The following MSI2 variants were observed in gnomAD, a reference collection of about 807,000 sequenced individuals.
The protein encoded by MSI2 is RNA-binding protein Musashi homolog 2.
In MSI2, 17 loss-of-function variants were observed where a neutral mutation model predicts 45.6. That is an observed-to-expected ratio of 0.37 (90% CI 0.26 to 0.56). The LOEUF (loss-of-function observed/expected upper bound fraction) is 0.56, where lower values mean the gene tolerates loss of function less well. MSI2 is among the 20% of genes least tolerant of loss of function. The probability of loss-of-function intolerance (pLI) is 0.77; values close to 1 mark genes in which losing one functional copy is unlikely to be tolerated. For synonymous variants in MSI2, 156 were observed against 158.2 expected, an observed-to-expected ratio of 0.99 and a Z score of 0.11; for missense variants, 293 against 444.2, an observed-to-expected ratio of 0.66 and a Z score of 3.06.
At chr17:57,278,640 T>A (rs1396766838) in intron 5 of MSI2, 2 of 151,582 alleles carry the variant, frequency 1.3e-5, no homozygotes, top group East Asian at 2.0e-4. Context: ...ATCCCCCCAC[T>A]GCCCCCCCAA....
chr17:57,417,406 G>T (rs1324254798), intron 6 of MSI2, among the ~76,000 whole-genome samples: 1 of 152,148 alleles, frequency 6.6e-6, no homozygotes, highest in Admixed American at 6.5e-5. Flanking sequence ...TTTGTCATCA[G>T]CTGCAGAGCA....
chr17:57,674,959 G>A lies in MSI2; in HGVS notation c.791-13G>A, dbSNP rs750566287. 40 of 1,612,720 alleles carry A rather than the reference G, an allele frequency of 2.5e-5. No homozygotes were observed. The highest frequency in any genetic ancestry group is 1.9e-4 in the South Asian group (17 of 90,932). The stretch of plus-strand genomic sequence containing the variant: ...TGCTCAACCGAATTTTGGCGCGCCC[G>A]CTTCCCCGGCAGGCTCCAACCCGGC... On this transcript the variant is annotated splice_polypyrimidine_tract_variant and intron_variant, in intron 11 of 13. Transcript: ENST00000284073.
At chr17:57,608,717 G>T (rs951620546) in intron 8 of MSI2, among the ~76,000 whole-genome samples, 2 of 152,228 alleles carry the variant, frequency 1.3e-5, no homozygotes, top group African/African-American at 4.8e-5. Context: ...TCGTTCTGCT[G>T]TGAGGCTGAC....
chr17:57,316,202 T>C (rs921731964), intron 5 of MSI2, among the ~76,000 whole-genome samples: 23 of 152,182 alleles, frequency 1.5e-4, no homozygotes, highest in African/African-American at 5.3e-4. Context: ...AAGTAGTAGA[T>C]ACTGCTAAGT....
At chr17:57,653,988 C>T (rs1340068837) in intron 11 of MSI2, among the ~76,000 whole-genome samples, 2 of 149,124 alleles carry the variant, frequency 1.3e-5, no homozygotes, top group African/African-American at 2.5e-5. Context: ...CCATTTCCAT[C>T]AGGAGCAAAG....
At chr17:57,632,082 C>G in intron 10 of MSI2, 4 of 1,293,178 alleles carry the variant, frequency 3.1e-6, no homozygotes, top group Non-Finnish European at 3.9e-6. Context: ...ACCGACCCCA[C>G]TTCCTCAGAA....
rs537122381 is a variant in MSI2 at position 57,471,893 on chromosome 17, G to GGGGAA, written c.406-57781_406-57777dup. Among the ~76,000 whole-genome samples, 404 of 152,294 alleles carry GGGGAA rather than the reference G, an allele frequency of 2.7e-3. 3 individuals are homozygous for GGGGAA. The highest frequency in any genetic ancestry group is 4.0e-3 in the Non-Finnish European group (275 of 68,022). ...GGAGAGGAGAGGAGAGGGGAGGGGA[G>GGGGAA]GGGAAGAGAGGGGAAATGTCTTCAG... On this transcript the variant is annotated intron_variant, in intron 6 of 13. Transcript: ENST00000284073.
chr17:57,297,178 GTTTTTTTTTGTT>G (rs1449597806), intron 5 of MSI2, among the ~76,000 whole-genome samples: 4 of 134,784 alleles, frequency 3.0e-5, no homozygotes, highest in African/African-American at 1.2e-4. Flanking sequence ...GCTGGGCCCA[GTTTTTTTTTGTT>G]TTTTTTTTTT....
At chr17:57,425,266 T>G (rs2084469611) in intron 6 of MSI2, among the ~76,000 whole-genome samples, 1 of 150,534 alleles carries the variant, frequency 6.6e-6, no homozygotes, top group Non-Finnish European at 1.5e-5. Flanking sequence ...CAGAATTGGG[T>G]GATCTGTAAA....
At chr17:57,330,661 T>A (rs1286658070) in intron 5 of MSI2, among the ~76,000 whole-genome samples, 1 of 152,138 alleles carries the variant, frequency 6.6e-6, no homozygotes, top group Non-Finnish European at 1.5e-5. Flanking sequence ...GCGTTCCGCA[T>A]CCATAGACCC....
chr17:57,477,956 C>A (rs538950015), intron 6 of MSI2, among the ~76,000 whole-genome samples: 1 of 152,184 alleles, frequency 6.6e-6, no homozygotes, highest in Non-Finnish European at 1.5e-5. Context: ...GGAGAGAGAG[C>A]CACAGCTATT....
Position 57,684,119 on chromosome 17 carries a change from C to T in MSI2, c.*4602C>T, listed in dbSNP as rs866424762. 7.7e-5 allele frequency: 17 copies of T among 220,604 alleles called. No individual in the cohort carries two copies. Among genetic ancestry groups the T allele is most frequent in the South Asian group, 1.8e-4 (1 of 5,416 alleles). 13.7% of individuals were successfully genotyped at this position (220,604 alleles called of 1,614,324 possible). On this transcript the variant is annotated 3_prime_UTR_variant, in exon 14 of 14. Transcript: ENST00000284073. Reference sequence around the variant, plus strand: ...GCAGGGGCATGATGGGGGAGGGGGCCGGAGGCTGAGAGACAAAAGTTCCAG... The same window carrying T: ...GCAGGGGCATGATGGGGGAGGGGGCTGGAGGCTGAGAGACAAAAGTTCCAG...
intron 7 of MSI2, among the ~76,000 whole-genome samples, chr17:57,542,983 C>T (rs1265020919): frequency 6.6e-6 from 1 of 152,234 alleles, no homozygotes; most frequent in Non-Finnish European, 1.5e-5. Flanking sequence ...CTCCATGTCC[C>T]CTTTGCCCAG....
chr17:57,569,261 C>T (rs1367566330), intron 7 of MSI2, among the ~76,000 whole-genome samples: 1 of 152,210 alleles, frequency 6.6e-6, no homozygotes, highest in Non-Finnish European at 1.5e-5. Context: ...TGATAGTTCC[C>T]TGATGGAAAC....
intron 6 of MSI2, among the ~76,000 whole-genome samples, chr17:57,474,468 A>C (rs1294144767): frequency 6.6e-6 from 1 of 152,124 alleles, no homozygotes; most frequent in Non-Finnish European, 1.5e-5. Context: ...TGTCCTGTGC[A>C]TTGTAGGAAG....
chr17:57,558,385 T>G (rs1019166748), intron 7 of MSI2, among the ~76,000 whole-genome samples: 8 of 152,268 alleles, frequency 5.3e-5, no homozygotes, highest in African/African-American at 1.9e-4. Context: ...CCCTTTCGCC[T>G]CTGCTGTTGA....
chr17:57,293,822 G>C (rs537259728), intron 5 of MSI2, among the ~76,000 whole-genome samples: 20 of 151,224 alleles, frequency 1.3e-4, no homozygotes, highest in Non-Finnish European at 2.7e-4. Context: ...TGGTCAGGCT[G>C]GTCTCGAACT....
the MSI2 span, among the ~76,000 whole-genome samples, chr17:57,698,346 C>T: frequency 1.5e-4 from 23 of 152,330 alleles, no homozygotes; most frequent in Admixed American, 2.6e-4. Context: ...TTTCTGTGCC[C>T]GCACGCTGTG....
At chr17:57,637,717 G>A (rs565678977) in intron 10 of MSI2, among the ~76,000 whole-genome samples, 5 of 152,302 alleles carry the variant, frequency 3.3e-5, no homozygotes, top group South Asian at 2.1e-4. Flanking sequence ...AGGGTTAGTC[G>A]GACCGGGAAT....
Sources: gnomAD v4.1 joint callset for allele counts (sites outside exome capture counted in the v4.1 genomes callset) on GRCh38, gnomAD v4.1.1 for gene constraint, MANE v1.5 for transcripts, NCBI Gene and HGNC (gene_info 2026-07-23, HGNC 2026-07-21) for gene names.